The following PCDHA9 variants were observed in gnomAD, a reference collection of about 807,000 sequenced individuals.
PCDHA9 encodes the protein protocadherin alpha 9.
A neutral mutation model predicts 62.0 loss-of-function variants in PCDHA9; 62 were observed. That is an observed-to-expected ratio of 1.00 (90% CI 0.81 to 1.23). PCDHA9 has a LOEUF of 1.23. Among genes scored for constraint, PCDHA9 ranks in the 50% most tolerant of loss-of-function variants. The pLI, the probability that PCDHA9 is intolerant of heterozygous loss-of-function variation, is 0.00. For missense variants in PCDHA9, 1,205 were observed against 1,249.8 expected, an observed-to-expected ratio of 0.96 and a Z score of 0.54; for synonymous variants, 557 against 567.6, an observed-to-expected ratio of 0.98 and a Z score of 0.27.
intron 1 of PCDHA9, chr5:140,870,821 G>A (rs782742871): frequency 6.2e-7 from 1 of 1,613,736 alleles, no homozygotes; most frequent in South Asian, 1.1e-5. Flanking sequence ...GGCAGCGCGG[G>A]AGGCGCAGTT....
intron 1 of PCDHA9, among the ~76,000 whole-genome samples, chr5:140,943,736 A>G (rs913454195): frequency 3.3e-5 from 5 of 152,266 alleles, no homozygotes; most frequent in Non-Finnish European, 7.3e-5. Context: ...ATGAAAGTCC[A>G]CAGTCTAAAA....
At chr5:141,000,210 A>G (rs1475631796) in intron 3 of PCDHA9, among the ~76,000 whole-genome samples, 3 of 151,622 alleles carry the variant, frequency 2.0e-5, no homozygotes, top group Non-Finnish European at 2.9e-5. Context: ...CACCTTCATT[A>G]TCAAATGCCT....
intron 1 of PCDHA9, 163 bp downstream of exon 1, chr5:140,851,052 C>A (rs571650734): frequency 1.4e-6 from 2 of 1,383,936 alleles, no homozygotes; most frequent in Admixed American, 2.8e-5. Context: ...CCGACTTTGT[C>A]TTGACTTCTA....
intron 1 of PCDHA9, chr5:140,870,869 T>C (rs371526005): frequency 8.1e-6 from 13 of 1,613,770 alleles, no homozygotes; most frequent in Non-Finnish European, 1.1e-5. Context: ...GCGGGCCACG[T>C]GGTGGCGAAG....
In PCDHA9 at chr5:140,849,747, G is replaced by A. The variant is rs2150448012; in HGVS notation, c.1252G>A (p.Val418Met). The A allele has an allele frequency of 1.3e-6, 2 of 1,598,328 alleles. No individual in the cohort carries two copies. Among genetic ancestry groups the A allele is most frequent in the South Asian group, 1.1e-5 (1 of 90,544 alleles). ...VLDRALDRES[V>M]SAYELVVTAR... ...GGACAGAGCTCTGGACCGCGAGAGT[G>A]TGTCCGCCTACGAGCTGGTGGTTAC... Residue 418 changes from valine (V) to methionine (M), a missense_variant, in exon 1 of 4, where the codon GTG becomes ATG. Physicochemically the swap from Val to Met is conservative, Grantham distance 21. Coordinates refer to ENST00000532602, the MANE Select transcript of PCDHA9 (RefSeq NM_031857.2).
intron 1 of PCDHA9, among the ~76,000 whole-genome samples, chr5:140,971,297 T>C (rs1246980755): frequency 4.6e-5 from 7 of 152,222 alleles, no homozygotes; most frequent in Non-Finnish European, 1.0e-4. Context: ...TGTACTTTGG[T>C]ACACAAACAT....
At chr5:140,973,398 C>G (rs2096585734) in intron 1 of PCDHA9, among the ~76,000 whole-genome samples, 1 of 152,230 alleles carries the variant, frequency 6.6e-6, no homozygotes, top group East Asian at 1.9e-4. Flanking sequence ...GAAATCATAT[C>G]TATGAGCTTC....
chr5:140,926,659 C>T, intron 1 of PCDHA9: 1 of 531,904 alleles, frequency 1.9e-6, no homozygotes, highest in Non-Finnish European at 3.0e-6. Context: ...CTCCGCTTTC[C>T]CAGACGGCTG....
intron 3 of PCDHA9, among the ~76,000 whole-genome samples, chr5:140,988,281 A>G (rs2097291171): frequency 2.0e-5 from 3 of 152,202 alleles, no homozygotes; most frequent in Admixed American, 2.0e-4. Context: ...GTCACCTGCC[A>G]TCTGACAGCC....
intron 1 of PCDHA9, among the ~76,000 whole-genome samples, chr5:140,879,850 T>C (rs935829286): frequency 3.3e-5 from 5 of 152,230 alleles, no homozygotes; most frequent in Non-Finnish European, 5.9e-5. Flanking sequence ...CACTCCCATC[T>C]CAGCCTTCTC....
intron 1 of PCDHA9, among the ~76,000 whole-genome samples, chr5:140,919,193 T>C (rs1444043948): frequency 6.6e-6 from 1 of 152,262 alleles, no homozygotes; most frequent in African/African-American, 2.4e-5. Flanking sequence ...ATTGGTCCTT[T>C]TGTCATTATA....
At chr5:140,876,697 C>T in intron 1 of PCDHA9, 2 of 1,614,226 alleles carry the variant, frequency 1.2e-6, no homozygotes, top group Middle Eastern at 1.6e-4. Context: ...CTCGTTGGTG[C>T]TGGACAGCGC....
In PCDHA9 at chr5:140,883,118, C is replaced by G. The variant is rs370331206; in HGVS notation, c.2394+32229C>G. ...AGATATAGTTTACTCATTTAGAAGG[C>G]CTGTATGGCCTGCAGTGGTATATGC... On this transcript the variant is annotated intron_variant, in intron 1 of 3. Coordinates refer to ENST00000532602, the MANE Select transcript of PCDHA9 (RefSeq NM_031857.2). The G allele has an allele frequency of 8.7e-6, 14 of 1,613,882 alleles. No individual in the cohort carries two copies. Among genetic ancestry groups the G allele is most frequent in the Non-Finnish European group, 1.2e-5 (14 of 1,180,016 alleles).
chr5:140,924,876 C>G (rs1380631161), intron 1 of PCDHA9, among the ~76,000 whole-genome samples: 1 of 144,704 alleles, frequency 6.9e-6, no homozygotes, highest in Non-Finnish European at 1.5e-5. Flanking sequence ...GCCTGGGTGA[C>G]AGAGCAAGAA....
chr5:141,010,129 G>A lies in PCDHA9; in HGVS notation c.*192G>A, dbSNP rs781919488. The A allele has an allele frequency of 3.7e-6, 6 of 1,601,792 alleles. No individual in the cohort carries two copies. The highest frequency in any genetic ancestry group is 5.1e-6 in the Non-Finnish European group (6 of 1,173,386). On this transcript the variant is annotated 3_prime_UTR_variant, in exon 4 of 4. Coordinates refer to ENST00000532602, the MANE Select transcript of PCDHA9 (RefSeq NM_031857.2). Reference sequence around the variant, plus strand: ...TGTCGTAAAAGCTTTACTAAGTCTGGTGTTAACTCTTTCTCTCCACTCTGG... The same window carrying A: ...TGTCGTAAAAGCTTTACTAAGTCTGATGTTAACTCTTTCTCTCCACTCTGG...
intron 1 of PCDHA9, among the ~76,000 whole-genome samples, chr5:140,921,801 A>T (rs1450383901): frequency 6.6e-6 from 1 of 152,286 alleles, no homozygotes. Context: ...ATAACACAAG[A>T]TAAGATACAT....
intron 2 of PCDHA9, among the ~76,000 whole-genome samples, chr5:140,979,718 TGCCATGGG>T (rs1430155366): frequency 1.3e-5 from 2 of 152,270 alleles, no homozygotes; most frequent in Non-Finnish European, 2.9e-5. Context: ...CCAGTATCCA[TGCCATGGG>T]GCCAAATAAA....
rs375652776 is a variant in PCDHA9, at chr5:140,968,862, G to A, written c.2395-10087G>A. The A allele has an allele frequency of 1.9e-5, 31 of 1,614,126 alleles. No individual in the cohort carries two copies. The highest frequency in any genetic ancestry group is 1.5e-4 in the South Asian group (14 of 91,062). The stretch of plus-strand genomic sequence containing the variant: ...ACTCAGAGGCATGTTAAGAGCCCTC[G>A]GACATACTCTGAAATTACCCTTTAT... On this transcript the variant is annotated intron_variant, in intron 1 of 3. Transcript: ENST00000532602.
intron 1 of PCDHA9, chr5:140,876,671 C>T (rs782473628): frequency 3.1e-6 from 5 of 1,614,212 alleles, no homozygotes; most frequent in Non-Finnish European, 2.5e-6. Flanking sequence ...CTGGTGTCCA[C>T]CTACAAGAAT....
Sources: gnomAD v4.1 joint callset for allele counts (sites outside exome capture counted in the v4.1 genomes callset) on GRCh38, gnomAD v4.1.1 for gene constraint, MANE v1.5 for transcripts, NCBI Gene and HGNC (gene_info 2026-07-23, HGNC 2026-07-21) for gene names.